The following PTAR1 variants were observed in gnomAD, a reference collection of about 807,000 sequenced individuals.
PTAR1 encodes the protein protein prenyltransferase alpha subunit repeat-containing protein 1.
PTAR1 carries 17 observed loss-of-function variants against 45.5 expected under a neutral mutation model. The observed-to-expected ratio is 0.37, with a 90% CI of 0.26 to 0.56. The LOEUF (loss-of-function observed/expected upper bound fraction) is 0.56, where lower values mean the gene tolerates loss of function less well. Ranked by LOEUF, PTAR1 falls within the 20% of genes least tolerant of loss-of-function variation. The pLI, the probability that PTAR1 is intolerant of heterozygous loss-of-function variation, is 0.77. For missense variants in PTAR1, 391 were observed against 476.3 expected, an observed-to-expected ratio of 0.82 and a Z score of 1.67; for synonymous variants, 169 against 171.3, an observed-to-expected ratio of 0.99 and a Z score of 0.11.
chr9:69,730,031 C>T (rs950347970), intron 5 of PTAR1, among the ~76,000 whole-genome samples: 1 of 151,906 alleles, frequency 6.6e-6, no homozygotes. Context: ...ATTTAGACTA[C>T]TGGTATTTTT....
chr9:69,739,457 A>C (rs893891910), intron 3 of PTAR1, among the ~76,000 whole-genome samples: 2 of 151,820 alleles, frequency 1.3e-5, no homozygotes, highest in African/African-American at 2.4e-5. Context: ...AATTATGTGT[A>C]TCACTCACTG....
intron 1 of PTAR1, among the ~76,000 whole-genome samples, chr9:69,754,579 C>T (rs1008105923): frequency 3.3e-5 from 4 of 120,326 alleles, no homozygotes; most frequent in Non-Finnish European, 6.4e-5. Context: ...CTTGCTCTGT[C>T]GTCCAGGCTG....
In PTAR1 at chr9:69,718,739, C is replaced by G; in HGVS notation, c.948-55G>C. Reference sequence around the variant, plus strand: ...AAGAAAATCACATTACAAAGTCAAGCTTTTCCAGAAAAAAAAGTTTGCAAT... The same window carrying G: ...AAGAAAATCACATTACAAAGTCAAGGTTTTCCAGAAAAAAAAGTTTGCAAT... On this transcript the variant is annotated intron_variant, in intron 6 of 7. Transcript: ENST00000340434. 3 of 1,395,768 alleles carry G rather than the reference C, an allele frequency of 2.1e-6. 1 individual carries two copies. The South Asian group carries it at 4.6e-5, about 22-fold the overall frequency. 86.5% of individuals were successfully genotyped at this position (1,395,768 alleles called of 1,614,324 possible).
intron 3 of PTAR1, 29 bp from the exon 4 acceptor site, chr9:69,734,283 AAAT>A: frequency 9.4e-7 from 1 of 1,067,432 alleles, no homozygotes; most frequent in South Asian, 1.6e-5. Flanking sequence ...AAAAAAAAAA[AAAT>A]TAAACATTAC....
intron 5 of PTAR1, among the ~76,000 whole-genome samples, chr9:69,728,054 G>C (rs1825367428): frequency 6.6e-6 from 1 of 152,074 alleles, no homozygotes; most frequent in Non-Finnish European, 1.5e-5. Flanking sequence ...CATACAATAT[G>C]TGGCCTTGAA....
At chr9:69,719,006 G>A (rs1183658380) in intron 6 of PTAR1, among the ~76,000 whole-genome samples, 2 of 152,102 alleles carry the variant, frequency 1.3e-5, no homozygotes, top group Non-Finnish European at 2.9e-5. Flanking sequence ...AGAAATATGT[G>A]ACAGTCTTAT....
chr9:69,726,923 C>CTT (rs376872614), intron 5 of PTAR1, among the ~76,000 whole-genome samples: 1 of 127,436 alleles, frequency 7.8e-6, no homozygotes, highest in Admixed American at 7.8e-5. Context: ...TTTTTAAATT[C>CTT]TTTTTTTTTT....
At chr9:69,752,019 G>T (rs1826555544) in intron 1 of PTAR1, among the ~76,000 whole-genome samples, 1 of 151,998 alleles carries the variant, frequency 6.6e-6, no homozygotes, top group Non-Finnish European at 1.5e-5. Flanking sequence ...CCTACACAAA[G>T]GATCCTTTCT....
Position 69,758,684 on chromosome 9 carries a change from T to C in PTAR1, c.86+1169A>G, listed in dbSNP as rs575445912. On this transcript the variant is annotated intron_variant, in intron 1 of 7. Transcript: ENST00000340434. ...GGGAGCAAAACATCCAACGGCTTCT[T>C]AACTGTTTTACAATCATCACCTTGG... The C allele has an allele frequency of 4.3e-5, 18 of 416,656 alleles. 1 individual carries two copies. The highest frequency in any genetic ancestry group is 2.9e-4 in the South Asian group (17 of 58,620). The allele number at this position is 416,656 out of a possible 1,614,324, so 25.8% of individuals were successfully genotyped here. A position where few individuals can be genotyped will look rare whatever the true frequency, so the allele number is the denominator to read the frequency against.
chr9:69,740,846 T>C (rs1412780636), intron 3 of PTAR1, among the ~76,000 whole-genome samples: 1 of 152,192 alleles, frequency 6.6e-6, no homozygotes, highest in Non-Finnish European at 1.5e-5. Context: ...CTAACAGCTA[T>C]ATTAAACACA....
At chr9:69,735,212 A>G (rs555324392) in intron 3 of PTAR1, among the ~76,000 whole-genome samples, 3 of 152,322 alleles carry the variant, frequency 2.0e-5, no homozygotes, top group Non-Finnish European at 2.9e-5. Flanking sequence ...CAAAGCTTCA[A>G]TGCAATCAGT....
At chr9:69,729,001 T>A (rs1288882307) in intron 5 of PTAR1, among the ~76,000 whole-genome samples, 1 of 152,182 alleles carries the variant, frequency 6.6e-6, no homozygotes, top group African/African-American at 2.4e-5. Flanking sequence ...TGCTGTCTCA[T>A]TCAATGCTAA....
At position 69,744,118 on chromosome 9, in the gene PTAR1, G is replaced by T. The variant is rs78781831; in HGVS notation, c.257-2260C>A. Among the ~76,000 whole-genome samples the T allele has an allele frequency of 6.5e-3, 989 of 152,270 alleles. 15 individuals carry two copies. Among genetic ancestry groups the T allele is most frequent in the African/African-American group, 0.02 (820 of 41,562 alleles). ...AGGTACTGGTAAAATGTACCAGGAA[G>T]TGAAACCTTCTGAAACCTGGTCTCA... On this transcript the variant is annotated intron_variant, in intron 2 of 7. Transcript: ENST00000340434.
intron 3 of PTAR1, among the ~76,000 whole-genome samples, chr9:69,740,122 C>G (rs1588469389): frequency 6.6e-6 from 1 of 152,220 alleles, no homozygotes; most frequent in East Asian, 1.9e-4. Flanking sequence ...AATCTTAAGG[C>G]CAGGATTTTT....
intron 3 of PTAR1, among the ~76,000 whole-genome samples, chr9:69,736,160 T>C (rs546344343): frequency 1.3e-5 from 2 of 152,256 alleles, no homozygotes; most frequent in East Asian, 1.9e-4. Context: ...ATCAGCATCA[T>C]CTGGAACTTA....
In PTAR1 at chr9:69,723,355, G is replaced by A; in HGVS notation, c.918C>T (p.Tyr306=). ...VEFSTDLIDS[Y]PGHETLWCHR... Reference sequence around the variant, plus strand: ...GACACCAAAGGGTTTCATGTCCTGGGTAGGAATCAATAAGATCAGTGCTGA... The same window carrying A: ...GACACCAAAGGGTTTCATGTCCTGGATAGGAATCAATAAGATCAGTGCTGA... Residue 306 remains tyrosine, a synonymous_variant, in exon 6 of 8, where the codon TAC becomes TAT. Coordinates refer to ENST00000340434, the MANE Select transcript of PTAR1 (RefSeq NM_001099666.2). 6.2e-7 allele frequency: 1 copy of A among 1,613,762 alleles called. No homozygotes were observed.
chr9:69,723,210 ACAAT>A, intron 6 of PTAR1, 112 bp downstream of exon 6: 2 of 821,754 alleles, frequency 2.4e-6, no homozygotes, highest in South Asian at 3.3e-5. Context: ...GCAAAGCTCC[ACAAT>A]CAGATGACCA....
At chr9:69,738,383 C>G (rs555982183) in intron 3 of PTAR1, among the ~76,000 whole-genome samples, 1 of 152,276 alleles carries the variant, frequency 6.6e-6, no homozygotes, top group African/African-American at 2.4e-5. Flanking sequence ...TGGTGCACAG[C>G]TCAACCTTAA....
At chr9:69,733,592 C>T (rs1161185964) in intron 4 of PTAR1, among the ~76,000 whole-genome samples, 1 of 152,114 alleles carries the variant, frequency 6.6e-6, no homozygotes, top group East Asian at 1.9e-4. Context: ...ATGCTTTTAA[C>T]CTAAAAATGT....
Sources: allele counts gnomAD v4.1 joint callset (sites outside exome capture counted in the v4.1 genomes callset), GRCh38; gene constraint gnomAD v4.1.1; transcripts MANE v1.5; gene names NCBI Gene and HGNC (gene_info 2026-07-23, HGNC 2026-07-21).